RNF213: variants seen among roughly 807,000 people sequenced by gnomAD.
RNF213 encodes ring finger protein 213.
In RNF213, 341 loss-of-function variants were observed where a neutral mutation model predicts 514.4. That is an observed-to-expected ratio of 0.66 (90% CI 0.61 to 0.73). The LOEUF (loss-of-function observed/expected upper bound fraction) is 0.73. Ranked by LOEUF, RNF213 falls within the 30% of genes least tolerant of loss-of-function variation. The pLI, the probability that RNF213 is intolerant of heterozygous loss-of-function variation, is 0.00. For missense variants in RNF213, 5,767 were observed against 6,615.6 expected, an observed-to-expected ratio of 0.87 and a Z score of 4.45; for synonymous variants, 2,655 against 2,658.2, an observed-to-expected ratio of 1.00 and a Z score of 0.04.
Position 80,273,335 on chromosome 17 carries a change from C to A in RNF213, c.192C>A (p.Phe64Leu). 6.2e-7 allele frequency: 1 copy of A among 1,613,474 alleles called. No individual in the cohort carries two copies. The highest frequency in any genetic ancestry group is 8.5e-7 in the Non-Finnish European group (1 of 1,179,998). The change falls in exon 3 of 68, where the codon TTC becomes TTA. Residue 64 changes from phenylalanine (F) to leucine (L), a missense_variant. Phe to Leu is a conservative substitution (Grantham distance 22). Transcript: ENST00000582970. ...ELKEEGGPCL[F>L]PGSDSWQENP... is the part of the protein sequence containing the mutation. ...AGGAGGAAGGGGGCCCGTGCTTGTT[C>A]CCGGGCTCAGACAGTTGGCAAGAAA...
chr17:80,350,722 C>G (rs1461462068), intron 31 of RNF213, among the ~76,000 whole-genome samples: 1 of 152,208 alleles, frequency 6.6e-6, no homozygotes, highest in Non-Finnish European at 1.5e-5. Context: ...TCGCTTGAGC[C>G]TGGGAGGTCA....
In RNF213 at chr17:80,264,624, C is replaced by G. The variant is rs2043545042; in HGVS notation, c.97+846C>G. Among the ~76,000 whole-genome samples, 1 of 152,154 alleles carries G rather than the reference C, an allele frequency of 6.6e-6. No homozygotes were observed. The highest frequency in any genetic ancestry group is 2.1e-4 in the South Asian group (1 of 4,824). ...CCATCACCCCGGGGCCCTCTCCTTC[C>G]TCCATGACCCACATGCAGAGGGCCC... is the stretch of plus-strand genomic sequence containing the variant. On this transcript the variant is annotated intron_variant, in intron 2 of 67. Coordinates refer to ENST00000582970, the MANE Select transcript of RNF213 (RefSeq NM_001256071.3). This position sits in a 1 kb window ranked among gnomAD's most constrained non-coding sequence, Gnocchi z 5.0.
At chr17:80,336,723 AT>A (rs923394764) in intron 23 of RNF213, 15 of 351,966 alleles carry the variant, frequency 4.3e-5, no homozygotes, top group African/African-American at 3.0e-4. Context: ...AATTGATAGA[AT>A]TTTTTATCAG....
At chr17:80,383,650 A>AT (rs527700001) in intron 58 of RNF213, 27 bp from the exon 59 acceptor site, 844 of 1,551,438 alleles carry the variant, frequency 5.4e-4, no homozygotes, top group African/African-American at 1.2e-3. Context: ...CACTTCCAGA[A>AT]TTTTTTTTTT....
rs776011536 is a variant in RNF213, at chr17:80,385,127, T to G, written c.14411T>G (p.Val4804Gly). 1.9e-6 allele frequency: 3 copies of G among 1,614,210 alleles called. No homozygotes were observed. The highest frequency in any genetic ancestry group is 3.3e-5 in the Admixed American group (2 of 60,026). Residue 4804 changes from valine to glycine, a missense_variant, in exon 60 of 68, where the codon GTT (valine) becomes GGT (glycine). This residue lies in a region of RNF213 where 1,245 missense variants were observed against 1,339.0 expected (regional missense o/e 0.93). Coordinates refer to ENST00000582970, the MANE Select transcript of RNF213 (RefSeq NM_001256071.3). ...AAGCAGTTCCAGAACGTCCAGCAAGTTGAATACAGCTCCATCAGAGGCTTC... is the reference window on the plus strand; with the variant it reads ...AAGCAGTTCCAGAACGTCCAGCAAGGTGAATACAGCTCCATCAGAGGCTTC... ...LVKQFQNVQQ[V>G]EYSSIRGFLS...
rs781142932 is a variant in RNF213 at position 80,332,043 on chromosome 17, C to A, written c.3555C>A (p.Asp1185Glu). 2.0e-6 allele frequency: 3 copies of A among 1,536,992 alleles called. No individual in the cohort carries two copies. In the African/African-American group the frequency reaches 4.1e-5, roughly 21 times the overall value. The change falls in exon 21 of 68, where the codon GAC becomes GAA. Residue 1185 changes from aspartate (D) to glutamate (E), a missense_variant. Asp to Glu is a conservative substitution (Grantham distance 45). Coordinates refer to ENST00000582970, the MANE Select transcript of RNF213 (RefSeq NM_001256071.3). ...TGCTTGCAGTAAGACACTCACAAGA[C>A]CTCAGCAGTAAAAGATTAAATGACA... is the stretch of plus-strand genomic sequence containing the variant. ...FGVLAVRHSQ[D>E]LSSKRLNDTV...
intron 21 of RNF213, 108 bp from the exon 22 acceptor site, chr17:80,333,997 T>A: frequency 7.7e-7 from 1 of 1,296,726 alleles, no homozygotes; most frequent in Non-Finnish European, 1.1e-6. Context: ...GTGGCAAATC[T>A]AGGCATTGAG....
At chr17:80,382,009 G>A in intron 57 of RNF213, 1 of 447,870 alleles carries the variant, frequency 2.2e-6, no homozygotes, top group Non-Finnish European at 4.2e-6. Flanking sequence ...GGGAGCGTCT[G>A]CACGCAAGTG....
chr17:80,382,772 G>A, intron 57 of RNF213: 3 of 512,224 alleles, frequency 5.9e-6, no homozygotes, highest in Admixed American at 6.3e-5. Context: ...TAGGATAGAG[G>A]AATTTTTAGA....
chr17:80,275,942 G>A (rs1476446587), intron 3 of RNF213, among the ~76,000 whole-genome samples: 1 of 150,636 alleles, frequency 6.6e-6, no homozygotes. Context: ...GATTACAGGC[G>A]TGAGCCACCA....
chr17:80,386,894 A>G lies in RNF213; in HGVS notation c.14922+3A>G, dbSNP rs1001395618. 3.7e-6 allele frequency: 6 copies of G among 1,608,578 alleles called. No homozygotes were observed. Among genetic ancestry groups the G allele is most frequent in the Non-Finnish European group, 5.1e-6 (6 of 1,178,146 alleles). On this transcript the variant is annotated splice_donor_region_variant and intron_variant, in intron 63 of 67. Coordinates refer to ENST00000582970, the MANE Select transcript of RNF213 (RefSeq NM_001256071.3). ...GCAAGCCCCGGCTGAGCCTCAAGGT[A>G]GGGCTGACTCCTGCCACTGCTGCTC...
At chr17:80,391,848 G>A (rs1265627157) in intron 67 of RNF213, among the ~76,000 whole-genome samples, 2 of 128,928 alleles carry the variant, frequency 1.6e-5, no homozygotes, top group Non-Finnish European at 3.1e-5. Context: ...TTAGCTCACT[G>A]CAACCTCTGC....
chr17:80,299,965 G>C (rs2045114062), intron 11 of RNF213, among the ~76,000 whole-genome samples: 1 of 152,120 alleles, frequency 6.6e-6, no homozygotes, highest in African/African-American at 2.4e-5. Context: ...GTCTACTGTT[G>C]ATGGGCATTG....
At chr17:80,290,420 T>C (rs929601770) in intron 6 of RNF213, 150 bp from the exon 7 acceptor site, 3 of 897,762 alleles carry the variant, frequency 3.3e-6, no homozygotes, top group Non-Finnish European at 5.4e-6. Flanking sequence ...TGTGCGTGTG[T>C]GCGAGTGTGC....
At chr17:80,364,069 C>G (rs1211213440) in intron 41 of RNF213, among the ~76,000 whole-genome samples, 1 of 152,132 alleles carries the variant, frequency 6.6e-6, no homozygotes, top group Non-Finnish European at 1.5e-5. Context: ...GTGAGAAATG[C>G]TGTGGTAGAA....
chr17:80,319,092 C>T, intron 16 of RNF213, 98 bp from the exon 17 acceptor site: 1 of 1,609,518 alleles, frequency 6.2e-7, no homozygotes, highest in Non-Finnish European at 8.5e-7. Context: ...AACAGTAAAA[C>T]AGCAGGAAAG....
intron 31 of RNF213, among the ~76,000 whole-genome samples, chr17:80,351,337 G>A (rs2078504311): frequency 6.6e-6 from 1 of 152,180 alleles, no homozygotes; most frequent in African/African-American, 2.4e-5. Context: ...AAGAAGGAAT[G>A]GAAAGTTCAG....
rs199684832 is a variant in RNF213 at position 80,354,550 on chromosome 17, C to A, written c.10836C>A (p.Asp3612Glu). ...TGGCAAGGGAAGCCTGCAACCAGGA[C>A]GCTCTCCAGGAGGCGGGCACATTCA... ...EWLAREACNQ[D>E]ALQEAGTFRH... The change falls in exon 36 of 68, where the codon GAC (aspartate) becomes GAA (glutamate). Residue 3612 changes from aspartate to glutamate, a missense_variant. Physicochemically the swap from Asp to Glu is conservative, Grantham distance 45. Coordinates refer to ENST00000582970, the MANE Select transcript of RNF213 (RefSeq NM_001256071.3). The A allele has an allele frequency of 6.2e-7, 1 of 1,614,192 alleles. No individual in the cohort carries two copies. Among genetic ancestry groups the A allele is most frequent in the African/African-American group, 1.3e-5 (1 of 75,056 alleles).
At position 80,339,661 on chromosome 17, in the gene RNF213, C is replaced by G; in HGVS notation, c.5294C>G (p.Pro1765Arg). Reference sequence around the variant, plus strand: ...ATGAGGAGAGTCATGGAAGAGCTCCCGCTGATGCTCTTATCAGAGTTCAGC... The same window carrying G: ...ATGAGGAGAGTCATGGAAGAGCTCCGGCTGATGCTCTTATCAGAGTTCAGC... ...YRMRRVMEELPLMLLSEFSLV... is the reference protein window; with the variant it reads ...YRMRRVMEELRLMLLSEFSLV... The change falls in exon 26 of 68, where the codon CCG becomes CGG. Residue 1765 changes from proline to arginine, a missense_variant. Coordinates refer to ENST00000582970, the MANE Select transcript of RNF213 (RefSeq NM_001256071.3). The G allele has an allele frequency of 6.5e-7, 1 of 1,537,088 alleles. No homozygotes were observed. The highest frequency in any genetic ancestry group is 8.7e-7 in the Non-Finnish European group (1 of 1,146,794).
Sources: allele counts gnomAD v4.1 joint callset (sites outside exome capture counted in the v4.1 genomes callset), GRCh38; gene constraint gnomAD v4.1.1; regional missense constraint gnomAD v4.1.1; non-coding constraint Gnocchi (gnomAD v3.1); transcripts MANE v1.5; gene names NCBI Gene and HGNC (gene_info 2026-07-23, HGNC 2026-07-21).